Variants in TIAM1 observed in about 807,000 individuals in gnomAD.
TIAM1 encodes the protein TIAM Rac1 associated GEF 1, also known as rho guanine nucleotide exchange factor TIAM1.
TIAM1 carries 65 observed loss-of-function variants against 163.5 expected under a neutral mutation model. The observed-to-expected ratio is 0.40, with a 90% CI of 0.33 to 0.49. The LOEUF (loss-of-function observed/expected upper bound fraction) is 0.49, where lower values mean the gene tolerates loss of function less well. Ranked by LOEUF, TIAM1 falls within the 20% of genes least tolerant of loss-of-function variation. The pLI is 0.77. For missense variants in TIAM1, 1,789 were observed against 2,044.7 expected, an observed-to-expected ratio of 0.87 and a Z score of 2.41; for synonymous variants, 833 against 810.1, an observed-to-expected ratio of 1.03 and a Z score of -0.48.
At chr21:31,291,507 C>CTTTA in intron 2 of TIAM1, among the ~76,000 whole-genome samples, 1 of 152,186 alleles carries the variant, frequency 6.6e-6, no homozygotes, top group East Asian at 1.9e-4. Context: ...AATTCCATGC[C>CTTTA]TTTATTTATT....
intron 10 of TIAM1, among the ~76,000 whole-genome samples, chr21:31,210,534 A>AAAAGCAAGAAAG (rs2086670862): frequency 1.8e-5 from 1 of 55,570 alleles, no homozygotes; most frequent in South Asian, 9.3e-4. Context: ...GGAAGGAAGG[A>AAAAGCAAGAAAG]AAAGAAAGAA....
At chr21:31,329,254 T>C (rs1455786860) in intron 2 of TIAM1, among the ~76,000 whole-genome samples, 1 of 152,210 alleles carries the variant, frequency 6.6e-6, no homozygotes, top group African/African-American at 2.4e-5. Context: ...TCTGCCCTAT[T>C]GTCTCCTTAC....
intron 2 of TIAM1, among the ~76,000 whole-genome samples, chr21:31,418,144 C>G (rs1459722773): frequency 6.6e-6 from 1 of 151,960 alleles, no homozygotes; most frequent in Non-Finnish European, 1.5e-5. Flanking sequence ...GAGTTTGAGA[C>G]CAGCCTGGCC....
chr21:31,499,422 A>G (rs576988105), intron 1 of TIAM1, among the ~76,000 whole-genome samples: 4 of 152,140 alleles, frequency 2.6e-5, no homozygotes, highest in African/African-American at 9.6e-5. Flanking sequence ...TTAGCCAGGC[A>G]TGGCAGTACA....
At chr21:31,147,076 G>A (rs1300740138) in intron 19 of TIAM1, 73 bp from the exon 20 acceptor site, 4 of 1,316,908 alleles carry the variant, frequency 3.0e-6, no homozygotes, top group African/African-American at 2.9e-5. Flanking sequence ...TTATGGCAGG[G>A]AGCTCACATC....
At chr21:31,407,534 A>G (rs1602205142) in intron 2 of TIAM1, among the ~76,000 whole-genome samples, 1 of 152,300 alleles carries the variant, frequency 6.6e-6, no homozygotes, top group African/African-American at 2.4e-5. Context: ...GTTAAAACCA[A>G]AAGAAAGTCC....
chr21:31,187,949 A>G (rs976612690), intron 13 of TIAM1, among the ~76,000 whole-genome samples: 3 of 152,214 alleles, frequency 2.0e-5, no homozygotes, highest in African/African-American at 7.2e-5. Flanking sequence ...AGGGGAACAC[A>G]TGTCATTGTA....
chr21:31,187,785 T>C (rs2085373431), intron 13 of TIAM1, among the ~76,000 whole-genome samples: 1 of 152,074 alleles, frequency 6.6e-6, no homozygotes. Flanking sequence ...GGATCCTAGG[T>C]ACTCAAAACT....
chr21:31,214,999 A>G (rs1479287670), intron 9 of TIAM1, among the ~76,000 whole-genome samples: 1 of 152,170 alleles, frequency 6.6e-6, no homozygotes, highest in Admixed American at 6.5e-5. Flanking sequence ...TTTATGGCTA[A>G]GCAAAAGGTT....
intron 9 of TIAM1, among the ~76,000 whole-genome samples, chr21:31,214,983 G>A (rs2087097656): frequency 6.6e-6 from 1 of 151,652 alleles, no homozygotes; most frequent in African/African-American, 2.4e-5. Context: ...AATTCCTACT[G>A]GTATGTTTAT....
At chr21:31,502,631 G>C (rs984213861) in intron 1 of TIAM1, among the ~76,000 whole-genome samples, 1 of 152,218 alleles carries the variant, frequency 6.6e-6, no homozygotes, top group East Asian at 1.9e-4. Context: ...GGTGAGAGGA[G>C]TTTCTGCTCC....
At chr21:31,467,604 C>T (rs2045578420) in intron 1 of TIAM1, among the ~76,000 whole-genome samples, 1 of 148,262 alleles carries the variant, frequency 6.7e-6, no homozygotes, top group African/African-American at 2.5e-5. Context: ...CCAGCTTGGG[C>T]AACAAAGTGA....
At chr21:31,327,643 C>CAAAAAAAAAAAAAAAAAAAAAAAAAAAAA in intron 2 of TIAM1, among the ~76,000 whole-genome samples, 1 of 69,464 alleles carries the variant, frequency 1.4e-5, no homozygotes, top group Non-Finnish European at 2.6e-5. Context: ...GCCGCCATCT[C>CAAAAAAAAAAAAAAAAAAAAAAAAAAAAA]AAAAAAAAAA....
chr21:31,341,847 C>T (rs1307159660), intron 1 of TIAM1, among the ~76,000 whole-genome samples: 1 of 152,072 alleles, frequency 6.6e-6, no homozygotes, highest in Non-Finnish European at 1.5e-5. Context: ...AATATAAACT[C>T]AAGAAAGGAG....
At chr21:31,190,588 TATA>T in intron 13 of TIAM1, among the ~76,000 whole-genome samples, 1 of 152,130 alleles carries the variant, frequency 6.6e-6, no homozygotes, top group South Asian at 2.1e-4. Flanking sequence ...GACTAAAAAA[TATA>T]ATAGTACTAG....
intron 3 of TIAM1, among the ~76,000 whole-genome samples, chr21:31,275,126 T>TAAA (rs199540397): frequency 5.9e-5 from 8 of 135,998 alleles, no homozygotes; most frequent in African/African-American, 1.1e-4. Context: ...TGTCTCAAGT[T>TAAA]AAAAAAAAAA....
intron 16 of TIAM1, chr21:31,160,438 C>G (rs933668319): frequency 2.5e-6 from 1 of 398,470 alleles, no homozygotes; most frequent in African/African-American, 2.1e-5. Flanking sequence ...ACAGCAAAGG[C>G]GCTCACCAGA....
Position 31,402,443 on chromosome 21 carries a change from G to A in TIAM1, c.-369+61540C>T, listed in dbSNP as rs145263962. ...AGAAAAGCAAAAATTGACACTATGG[G>A]GGCCTCTGAGAGATGCAGGACCAAC... On this transcript the variant is annotated intron_variant, in intron 2 of 28. Coordinates refer to the TIAM1 transcript ENST00000286827. Among the ~76,000 whole-genome samples the A allele has an allele frequency of 9.2e-3, 1,396 of 151,980 alleles. 7 individuals carry two copies. Among genetic ancestry groups the A allele is most frequent in the Non-Finnish European group, 0.014 (962 of 67,970 alleles).
intron 15 of TIAM1, 84 bp from the exon 16 acceptor site, chr21:31,165,149 T>C (rs539041572): frequency 8.1e-7 from 1 of 1,238,448 alleles, no homozygotes; most frequent in Non-Finnish European, 1.2e-6. Context: ...GGACAAGGAA[T>C]CTCGCTCATG....
Sources: gnomAD v4.1 joint callset for allele counts (sites outside exome capture counted in the v4.1 genomes callset) on GRCh38, gnomAD v4.1.1 for gene constraint, MANE v1.5 for transcripts, NCBI Gene and HGNC (gene_info 2026-07-23, HGNC 2026-07-21) for gene names.